RALGAPA2: variants seen among roughly 807,000 people sequenced by gnomAD.
The protein encoded by RALGAPA2 is ral GTPase-activating protein subunit alpha-2.
In RALGAPA2, 139 loss-of-function variants were observed where a neutral mutation model predicts 230.4. That is an observed-to-expected ratio of 0.60 (90% CI 0.53 to 0.69). The LOEUF (loss-of-function observed/expected upper bound fraction) is 0.69. RALGAPA2 is among the 30% of genes least tolerant of loss of function. RALGAPA2 has a pLI of 0.00. For missense variants in RALGAPA2, 2,163 were observed against 2,276.0 expected (o/e 0.95, Z 1.01); for synonymous variants, 847 against 837.8 (o/e 1.01, Z -0.19).
At chr20:20,678,822 C>T (rs1218399603) in intron 2 of RALGAPA2, among the ~76,000 whole-genome samples, 2 of 152,106 alleles carry the variant, frequency 1.3e-5, no homozygotes, top group African/African-American at 4.8e-5. Flanking sequence ...CCGACCTGCT[C>T]CTCACCTAGA....
intron 23 of RALGAPA2, among the ~76,000 whole-genome samples, chr20:20,549,820 T>A (rs529216657): frequency 6.6e-6 from 1 of 152,138 alleles, no homozygotes; most frequent in East Asian, 1.9e-4. Context: ...TTGAAAAATA[T>A]AATAAAAATC....
At chr20:20,598,406 TC>T (rs1444524251) in intron 16 of RALGAPA2, among the ~76,000 whole-genome samples, 2 of 152,170 alleles carry the variant, frequency 1.3e-5, no homozygotes, top group Non-Finnish European at 2.9e-5. Flanking sequence ...GCATCACATT[TC>T]CCCCTATTAA....
intron 3 of RALGAPA2, among the ~76,000 whole-genome samples, chr20:20,670,765 T>C (rs909031591): frequency 6.6e-6 from 1 of 151,564 alleles, no homozygotes; most frequent in African/African-American, 2.4e-5. Context: ...CTGGCCAACA[T>C]GGTGAAACCC....
At chr20:20,701,769 C>T (rs1231123959) in intron 1 of RALGAPA2, among the ~76,000 whole-genome samples, 1 of 150,392 alleles carries the variant, frequency 6.6e-6, no homozygotes, top group African/African-American at 2.5e-5. Flanking sequence ...CGGCCAGGCG[C>T]AGTGGCTGAC....
chr20:20,591,864 T>G (rs549596632), intron 16 of RALGAPA2, among the ~76,000 whole-genome samples: 2 of 152,202 alleles, frequency 1.3e-5, no homozygotes, highest in African/African-American at 2.4e-5. Flanking sequence ...AAGTACAGAA[T>G]GATCCACAGG....
At chr20:20,580,014 C>A (rs2145991696) in intron 20 of RALGAPA2, among the ~76,000 whole-genome samples, 1 of 152,210 alleles carries the variant, frequency 6.6e-6, no homozygotes, top group Non-Finnish European at 1.5e-5. Context: ...TGTCTTCTGT[C>A]CTTTTTATAA....
chr20:20,549,947 G>A (rs1354956403), intron 23 of RALGAPA2, among the ~76,000 whole-genome samples: 1 of 152,156 alleles, frequency 6.6e-6, no homozygotes, highest in Non-Finnish European at 1.5e-5. Context: ...TGTCCAAAGT[G>A]AACATTACTT....
At chr20:20,543,508 A>G (rs6035646) in intron 24 of RALGAPA2, among the ~76,000 whole-genome samples, 3 of 152,356 alleles carry the variant, frequency 2.0e-5, no homozygotes, top group African/African-American at 7.2e-5. Flanking sequence ...AGACTGGATT[A>G]AGAAAATGTG....
intron 1 of RALGAPA2, among the ~76,000 whole-genome samples, chr20:20,690,423 C>T (rs924897696): frequency 6.6e-6 from 1 of 152,074 alleles, no homozygotes; most frequent in Non-Finnish European, 1.5e-5. Flanking sequence ...CCCCTAGGTA[C>T]ACATCAGGAG....
At position 20,515,844 on chromosome 20, in the gene RALGAPA2, T is replaced by TG. The variant is rs1447973031; in HGVS notation, c.4085-2561dup. ...CTCCTTTGACCAGAACCAATGGGAG[T>TG]GGGGCGGGGGGGGCAGGGAAGTGCA... On this transcript the variant is annotated intron_variant, in intron 31 of 39. Transcript: ENST00000202677. Among the ~76,000 whole-genome samples the TG allele has an allele frequency of 6.2e-3, 677 of 109,418 alleles. 3 individuals carry two copies. The highest frequency in any genetic ancestry group is 0.024 in the African/African-American group (648 of 27,004). The allele number at this position is 109,418 out of a possible 152,430, so 71.8% of individuals were successfully genotyped here.
intron 19 of RALGAPA2, 80 bp from the exon 20 acceptor site, chr20:20,583,306 A>AG: frequency 7.3e-7 from 1 of 1,375,722 alleles, no homozygotes; most frequent in South Asian, 1.5e-5. Flanking sequence ...TACGAAAGTA[A>AG]CTAAACAAAC....
intron 1 of RALGAPA2, among the ~76,000 whole-genome samples, chr20:20,709,466 G>C (rs1273449197): frequency 2.0e-5 from 3 of 152,156 alleles, no homozygotes; most frequent in African/African-American, 4.8e-5. Flanking sequence ...ACTCCAACGT[G>C]GACAACAGAG....
chr20:20,502,482 T>C (rs1361538372), intron 35 of RALGAPA2, among the ~76,000 whole-genome samples: 1 of 152,190 alleles, frequency 6.6e-6, no homozygotes, highest in Non-Finnish European at 1.5e-5. Context: ...CCCTGTAACA[T>C]AGGCTGTGTT....
intron 16 of RALGAPA2, among the ~76,000 whole-genome samples, chr20:20,595,258 C>G (rs1228102889): frequency 2.6e-5 from 4 of 152,128 alleles, no homozygotes. Context: ...TCTTCAATAA[C>G]CAAAATTCTG....
intron 14 of RALGAPA2, among the ~76,000 whole-genome samples, 197 bp downstream of exon 14, chr20:20,611,118 G>A (rs776643858): frequency 1.1e-4 from 16 of 152,120 alleles, no homozygotes; most frequent in Non-Finnish European, 2.2e-4. Context: ...GAAGTAGGTA[G>A]CAGAGAGGGA....
chr20:20,616,106 C>T lies in RALGAPA2; in HGVS notation c.1625G>A (p.Cys542Tyr), dbSNP rs2066134177. ...PVLLKEQVDA[C>Y]KAVLIIFRRM... ...CCTAAAAATAATCAAAACAGCTTTA[C>T]AAGCATCAACTTGTTCTTTCAAGAG... The change falls in exon 13 of 40, where the codon TGT becomes TAT. Residue 542 changes from cysteine (C) to tyrosine (Y), a missense_variant. Transcript: ENST00000202677. 6.4e-7 allele frequency: 1 copy of T among 1,556,972 alleles called. No homozygotes were observed.
At chr20:20,563,908 G>GAC (rs11468121) in intron 23 of RALGAPA2, among the ~76,000 whole-genome samples, 7 of 151,326 alleles carry the variant, frequency 4.6e-5, no homozygotes, top group Non-Finnish European at 8.8e-5. Context: ...TATACACATA[G>GAC]ACACACACAC....
intron 8 of RALGAPA2, among the ~76,000 whole-genome samples, chr20:20,636,460 A>G (rs113437192): frequency 3.7e-4 from 56 of 152,282 alleles, no homozygotes; most frequent in African/African-American, 1.3e-3. Flanking sequence ...TATATAGCTA[A>G]AGAAATACAT....
intron 32 of RALGAPA2, 32 bp from the exon 33 acceptor site, chr20:20,511,357 T>C: frequency 2.6e-6 from 4 of 1,534,332 alleles, no homozygotes; most frequent in South Asian, 1.2e-5. Context: ...AGAAAAACCA[T>C]GTGATTACAG....
Sources: allele counts gnomAD v4.1 joint callset (sites outside exome capture counted in the v4.1 genomes callset), GRCh38; gene constraint gnomAD v4.1.1; transcripts MANE v1.5; gene names NCBI Gene and HGNC (gene_info 2026-07-23, HGNC 2026-07-21).